Variants in PTPRD observed in about 807,000 individuals in gnomAD.
PTPRD encodes the protein protein tyrosine phosphatase receptor type D, also known as receptor-type tyrosine-protein phosphatase delta.
Under a neutral mutation model 214.5 loss-of-function variants are expected in PTPRD, and 34 were observed. The ratio of observed to expected loss-of-function variants is 0.16; its 90% CI spans 0.12 to 0.21. The LOEUF is 0.21. Ranked by LOEUF, PTPRD falls within the 10% of genes least tolerant of loss-of-function variation. PTPRD has a pLI of 1.00. For missense variants in PTPRD, 2,545 were observed against 2,398.7 expected, an observed-to-expected ratio of 1.06 and a Z score of -1.27; for synonymous variants, 1,128 against 845.7, an observed-to-expected ratio of 1.33 and a Z score of -5.79.
At chr9:8,624,165 G>A (rs558262829) in intron 14 of PTPRD, among the ~76,000 whole-genome samples, 2 of 151,968 alleles carry the variant, frequency 1.3e-5, no homozygotes, top group African/African-American at 2.4e-5. Flanking sequence ...TAAGCATTCT[G>A]AAGAATATGG....
chr9:9,718,833 T>C (rs1384242261), intron 7 of PTPRD, among the ~76,000 whole-genome samples: 1 of 152,128 alleles, frequency 6.6e-6, no homozygotes, highest in Non-Finnish European at 1.5e-5. Flanking sequence ...AGGCTGGGTG[T>C]CTGAGATTGG....
At chr9:9,777,555 A>AT (rs2098808281) in intron 5 of PTPRD, among the ~76,000 whole-genome samples, 1 of 152,038 alleles carries the variant, frequency 6.6e-6, no homozygotes, top group African/African-American at 2.4e-5. Flanking sequence ...AAATTTAGCC[A>AT]GTTATGGTGG....
Position 9,431,193 on chromosome 9 carries a change from A to C in PTPRD, c.-236-33711T>G, listed in dbSNP as rs531941112. On this transcript the variant is annotated intron_variant, in intron 8 of 45. Coordinates refer to ENST00000381196, the MANE Select transcript of PTPRD (RefSeq NM_002839.4). ...AATATCCAGAATCTACAAAGAACTT[A>C]AACAAATTTACAAGAAAAAATCAAA... Among the ~76,000 whole-genome samples the C allele has an allele frequency of 1.3e-4, 20 of 152,250 alleles. No homozygotes were observed. In the South Asian group the frequency reaches 2.1e-3, roughly 16 times the overall value.
At chr9:10,270,250 T>TA (rs35654027) in intron 3 of PTPRD, among the ~76,000 whole-genome samples, 84,510 of 151,922 alleles carry the variant, frequency 0.56, 25,297 homozygotes, top group Non-Finnish European at 0.68. Context: ...AAATGTTTTT[T>TA]AAGAATGGTA....
chr9:10,131,066 AG>A (rs1343224742), intron 3 of PTPRD, among the ~76,000 whole-genome samples: 2 of 152,200 alleles, frequency 1.3e-5, no homozygotes, highest in African/African-American at 4.8e-5. Flanking sequence ...AAGAACAAAA[AG>A]AATTGCATTT....
At chr9:8,716,719 A>G (rs2098440586) in intron 12 of PTPRD, among the ~76,000 whole-genome samples, 1 of 152,146 alleles carries the variant, frequency 6.6e-6, no homozygotes, top group African/African-American at 2.4e-5. Flanking sequence ...TAGGAAGAAG[A>G]GAATGGGTGG....
rs145719884 is a variant in PTPRD, at chr9:9,864,289, G to C, written c.-368+74218C>G. On this transcript the variant is annotated intron_variant, in intron 5 of 45. Transcript: ENST00000381196. ...CCTCTGCACTCCAGCCTGGGTAACAGAGTGAGACTCAGTCTTAAGAAAAAG... is the reference window on the plus strand; with the variant it reads ...CCTCTGCACTCCAGCCTGGGTAACACAGTGAGACTCAGTCTTAAGAAAAAG... 3.4e-4 allele frequency among the ~76,000 whole-genome samples: 51 copies of C among 151,816 alleles called. 1 individual carries two copies. Among genetic ancestry groups the C allele is most frequent in the African/African-American group, 1.2e-3 (50 of 41,356 alleles).
intron 3 of PTPRD, among the ~76,000 whole-genome samples, chr9:10,252,405 C>T (rs2092863082): frequency 6.6e-6 from 1 of 152,112 alleles, no homozygotes; most frequent in Non-Finnish European, 1.5e-5. Flanking sequence ...GCCAACAACT[C>T]CAGATAGGCT....
In PTPRD at chr9:10,395,940, G is replaced by A. The variant is rs1353790189; in HGVS notation, c.-599-54923C>T. On this transcript the variant is annotated intron_variant, in intron 2 of 45. Transcript: ENST00000381196. ...GAAGAAGGAAGAAGAAGCCACAGAG[G>A]GACATAGAGAGAATGAGAGAGAGAG... Among the ~76,000 whole-genome samples, 3 of 141,050 alleles carry A rather than the reference G, an allele frequency of 2.1e-5. No homozygotes were observed. The South Asian group carries it at 8.0e-4, about 38-fold the overall frequency. 92.5% of individuals were successfully genotyped at this position (141,050 alleles called of 152,430 possible).
At chr9:9,942,036 G>A (rs62536918) in intron 4 of PTPRD, among the ~76,000 whole-genome samples, 5,850 of 152,204 alleles carry the variant, frequency 0.038, 137 homozygotes, top group Non-Finnish European at 0.056. Context: ...TTTGTGACTA[G>A]GTAATGAATT....
intron 2 of PTPRD, among the ~76,000 whole-genome samples, chr9:10,459,001 C>T (rs113056615): frequency 6.6e-6 from 1 of 152,026 alleles, no homozygotes; most frequent in Non-Finnish European, 1.5e-5. Context: ...CTGCACCTAT[C>T]AACCCGTCAT....
chr9:10,488,091 G>T (rs1006549052), intron 2 of PTPRD, among the ~76,000 whole-genome samples: 1 of 151,518 alleles, frequency 6.6e-6, no homozygotes, highest in Non-Finnish European at 1.5e-5. Flanking sequence ...AGGTCGGCTG[G>T]GCATGGTGGC....
chr9:10,550,690 C>A (rs1590695261), intron 2 of PTPRD, among the ~76,000 whole-genome samples: 1 of 152,084 alleles, frequency 6.6e-6, no homozygotes, highest in East Asian at 1.9e-4. Context: ...TTAGAGAAAG[C>A]CTAAGGCAAA....
intron 7 of PTPRD, among the ~76,000 whole-genome samples, chr9:9,599,138 TTAC>T (rs1229338442): frequency 6.6e-6 from 1 of 152,080 alleles, no homozygotes; most frequent in African/African-American, 2.4e-5. Flanking sequence ...AATATAATTA[TTAC>T]TACATTTCTA....
At chr9:9,570,819 T>C (rs1563763081) in intron 8 of PTPRD, among the ~76,000 whole-genome samples, 1 of 151,562 alleles carries the variant, frequency 6.6e-6, no homozygotes, top group Non-Finnish European at 1.5e-5. Flanking sequence ...CAAAATCTTC[T>C]GAAACAAATC....
chr9:9,258,461 T>A (rs1461127667), intron 9 of PTPRD, among the ~76,000 whole-genome samples: 1 of 151,908 alleles, frequency 6.6e-6, no homozygotes, highest in East Asian at 2.0e-4. Flanking sequence ...CCATTGAGGA[T>A]GCGAGTTTTT....
intron 25 of PTPRD, among the ~76,000 whole-genome samples, chr9:8,499,114 T>G (rs1203570962): frequency 1.3e-5 from 2 of 152,194 alleles, no homozygotes; most frequent in African/African-American, 4.8e-5. Flanking sequence ...TGTAACGATC[T>G]TCATTTGCTG....
Position 10,396,745 on chromosome 9 carries a change from G to A in PTPRD, c.-599-55728C>T, listed in dbSNP as rs192374561. ...TAATGGGGAAGTATACATAACAATT[G>A]CCTGTAATGCAATACTGAATAAAAC... is the stretch of plus-strand genomic sequence containing the variant. On this transcript the variant is annotated intron_variant, in intron 2 of 45. Transcript: ENST00000381196. Among the ~76,000 whole-genome samples, 3 of 152,050 alleles carry A rather than the reference G, an allele frequency of 2.0e-5. No homozygotes were observed. In the South Asian group the frequency reaches 6.2e-4, roughly 32 times the overall value.
chr9:9,743,959 C>G (rs2098434135), intron 6 of PTPRD, among the ~76,000 whole-genome samples: 1 of 152,216 alleles, frequency 6.6e-6, no homozygotes, highest in East Asian at 1.9e-4. Context: ...ACCTACACCT[C>G]CTATATCCTA....
Sources: gnomAD v4.1 joint callset for allele counts (sites outside exome capture counted in the v4.1 genomes callset) on GRCh38, gnomAD v4.1.1 for gene constraint, MANE v1.5 for transcripts, NCBI Gene and HGNC (gene_info 2026-07-23, HGNC 2026-07-21) for gene names.